Variants in DCC observed in about 807,000 individuals in gnomAD.
DCC encodes DCC netrin 1 receptor, also known as netrin receptor DCC.
In DCC, 58 loss-of-function variants were observed where a neutral mutation model predicts 172.5. The observed-to-expected ratio is 0.34, with a 90% CI of 0.27 to 0.42. The LOEUF is 0.42. DCC is among the 10% of genes least tolerant of loss of function. DCC has a pLI of 1.00. For missense variants in DCC, 1,740 were observed against 1,791.0 expected (o/e 0.97, Z 0.51); for synonymous variants, 709 against 644.5 (o/e 1.10, Z -1.52).
intron 12 of DCC, among the ~76,000 whole-genome samples, chr18:53,285,938 G>T (rs1424066853): frequency 1.3e-5 from 2 of 152,202 alleles, no homozygotes; most frequent in Non-Finnish European, 2.9e-5. Context: ...GGGGCCTGTA[G>T]CCCCTTTGTT....
chr18:53,382,193 G>A (rs1270765802), intron 15 of DCC, among the ~76,000 whole-genome samples: 1 of 151,854 alleles, frequency 6.6e-6, no homozygotes, highest in African/African-American at 2.4e-5. Flanking sequence ...ATACGGAGAT[G>A]TATTCAAATT....
chr18:52,828,079 T>C (rs2038544021), intron 2 of DCC, among the ~76,000 whole-genome samples: 1 of 152,158 alleles, frequency 6.6e-6, no homozygotes, highest in South Asian at 2.1e-4. Context: ...TATAAACGGT[T>C]CAATTCCCAC....
chr18:53,047,191 T>A (rs567529844), intron 5 of DCC, among the ~76,000 whole-genome samples: 1 of 134,840 alleles, frequency 7.4e-6, no homozygotes, highest in East Asian at 2.5e-4. Flanking sequence ...CAATGAATTC[T>A]CCTACTCCTT....
chr18:53,378,762 T>G (rs1324965880), intron 15 of DCC, among the ~76,000 whole-genome samples: 2 of 152,226 alleles, frequency 1.3e-5, no homozygotes, highest in Non-Finnish European at 2.9e-5. Context: ...TGTACCCTAA[T>G]TTTTCTTCCT....
chr18:53,026,910 C>T (rs1196203591), intron 5 of DCC, among the ~76,000 whole-genome samples: 1 of 152,058 alleles, frequency 6.6e-6, no homozygotes, highest in East Asian at 1.9e-4. Context: ...CTATGAAGAT[C>T]TAGAAGGGTA....
intron 1 of DCC, among the ~76,000 whole-genome samples, chr18:52,663,870 G>C (rs1248579554): frequency 2.6e-5 from 4 of 151,744 alleles, no homozygotes; most frequent in Non-Finnish European, 5.9e-5. Flanking sequence ...TATCTAAGTA[G>C]AGCTGTGTCA....
intron 18 of DCC, among the ~76,000 whole-genome samples, chr18:53,397,749 C>T (rs1568106323): frequency 6.6e-6 from 1 of 152,060 alleles, no homozygotes; most frequent in Non-Finnish European, 1.5e-5. Flanking sequence ...AACAGAAATC[C>T]ATCCAATGAA....
intron 1 of DCC, among the ~76,000 whole-genome samples, chr18:52,686,744 T>C (rs571412767): frequency 2.1e-4 from 32 of 152,246 alleles, no homozygotes; most frequent in Non-Finnish European, 3.7e-4. Flanking sequence ...TGAGCTTACA[T>C]GGGGTGGATT....
intron 8 of DCC, among the ~76,000 whole-genome samples, chr18:53,171,475 A>G (rs2055012542): frequency 6.6e-6 from 1 of 152,230 alleles, no homozygotes; most frequent in Non-Finnish European, 1.5e-5. Flanking sequence ...ACTTTATGTA[A>G]GACTGAGAAA....
intron 2 of DCC, among the ~76,000 whole-genome samples, chr18:52,795,614 T>A (rs1412379618): frequency 2.0e-5 from 3 of 151,990 alleles, no homozygotes; most frequent in African/African-American, 7.2e-5. Flanking sequence ...GTTCTCTAAT[T>A]TTTGTTATTT....
intron 16 of DCC, 93 bp downstream of exon 16, chr18:53,386,231 A>C (rs1390732675): frequency 1.2e-6 from 1 of 801,972 alleles, no homozygotes; most frequent in Non-Finnish European, 2.1e-6. Flanking sequence ...AACAAAAATG[A>C]ATATATCCTA....
At chr18:52,907,812 A>G (rs886476182) in intron 3 of DCC, among the ~76,000 whole-genome samples, 1 of 152,198 alleles carries the variant, frequency 6.6e-6, no homozygotes, top group Non-Finnish European at 1.5e-5. Flanking sequence ...AGACTGTCCC[A>G]GAGCCTGGCC....
At chr18:53,498,304 T>C (rs932850478) in intron 26 of DCC, among the ~76,000 whole-genome samples, 26 of 152,228 alleles carry the variant, frequency 1.7e-4, no homozygotes, top group African/African-American at 5.8e-4. Context: ...TGGTTAAAAA[T>C]TCTCTTTCAA....
At chr18:53,219,009 G>A (rs907616449) in intron 12 of DCC, among the ~76,000 whole-genome samples, 8 of 152,182 alleles carry the variant, frequency 5.3e-5, no homozygotes, top group African/African-American at 1.7e-4. Context: ...AATTCAAGTT[G>A]CTTGGGTCCT....
At chr18:53,086,573 T>C (rs1380504743) in intron 7 of DCC, among the ~76,000 whole-genome samples, 1 of 47,156 alleles carries the variant, frequency 2.1e-5, no homozygotes, top group Non-Finnish European at 4.2e-5. Flanking sequence ...CTTCTTCTTC[T>C]TTCTTCTTCT....
chr18:53,209,338 TGCAGAAA>T (rs2055709664), intron 11 of DCC, among the ~76,000 whole-genome samples: 1 of 152,176 alleles, frequency 6.6e-6, no homozygotes, highest in Admixed American at 6.5e-5. Flanking sequence ...CTCAGGCAGG[TGCAGAAA>T]TGTAGCGATA....
chr18:53,519,881 A>ATAAG (rs1043138426), intron 27 of DCC, among the ~76,000 whole-genome samples: 3 of 152,130 alleles, frequency 2.0e-5, no homozygotes, highest in South Asian at 4.1e-4. Flanking sequence ...TCCCAAAGTA[A>ATAAG]TAAGTTTTCA....
chr18:52,372,689 G>C (rs983389625), intron 1 of DCC, among the ~76,000 whole-genome samples: 2 of 152,112 alleles, frequency 1.3e-5, no homozygotes, highest in African/African-American at 4.8e-5. Flanking sequence ...AGATATGAAT[G>C]TGCTTACTTC....
intron 1 of DCC, among the ~76,000 whole-genome samples, chr18:52,405,947 C>G (rs1487533921): frequency 6.6e-6 from 1 of 151,806 alleles, no homozygotes; most frequent in Non-Finnish European, 1.5e-5. Context: ...GTAACCAAAA[C>G]AGCATAGTAC....
Sources: allele counts gnomAD v4.1 joint callset (sites outside exome capture counted in the v4.1 genomes callset), GRCh38; gene constraint gnomAD v4.1.1; transcripts MANE v1.5; gene names NCBI Gene and HGNC (gene_info 2026-07-23, HGNC 2026-07-21).